Variants in TMEM132D observed in about 807,000 individuals in gnomAD.
TMEM132D encodes the protein mature OL transmembrane protein.
A neutral mutation model predicts 62.3 loss-of-function variants in TMEM132D; 21 were observed. The observed-to-expected ratio is 0.34, with a 90% CI of 0.24 to 0.49. TMEM132D has a LOEUF of 0.49. Ranked by LOEUF, TMEM132D falls within the 20% of genes least tolerant of loss-of-function variation. The pLI is 0.99. For synonymous variants in TMEM132D, 621 were observed against 575.6 expected (o/e 1.08, Z -1.13); for missense variants, 1,346 against 1,402.8 (o/e 0.96, Z 0.65).
In TMEM132D at chr12:129,434,428, G is replaced by A. The variant is rs149253327; in HGVS notation, c.1116-96611C>T. On this transcript the variant is annotated intron_variant, in intron 3 of 8. Coordinates refer to ENST00000422113, the MANE Select transcript of TMEM132D (RefSeq NM_133448.3). ...AGTTTCTTCATTTGTATTTGAGAGT[G>A]CCAATAGTGATACCCTCCTCATACG... Among the ~76,000 whole-genome samples, 1,283 of 152,248 alleles carry A rather than the reference G, an allele frequency of 8.4e-3. 17 individuals carry two copies. Among genetic ancestry groups the A allele is most frequent in the Non-Finnish European group, 0.013 (860 of 68,028 alleles).
intron 3 of TMEM132D, among the ~76,000 whole-genome samples, chr12:129,522,268 C>T (rs897807166): frequency 4.6e-5 from 7 of 152,114 alleles, no homozygotes; most frequent in Middle Eastern, 3.2e-3. Context: ...AAAAATAAGA[C>T]ATCCTGTCCA....
rs535027304 is a variant in TMEM132D at position 129,272,754 on chromosome 12, G to C, written c.1300-63091C>G. Reference sequence around the variant, plus strand: ...AATAGCATCTCACACTAGATAGAAGGCTATTATTAATAAGTAACAAAATAG... The same window carrying C: ...AATAGCATCTCACACTAGATAGAAGCCTATTATTAATAAGTAACAAAATAG... On this transcript the variant is annotated intron_variant, in intron 4 of 8. Coordinates refer to ENST00000422113, the MANE Select transcript of TMEM132D (RefSeq NM_133448.3). Among the ~76,000 whole-genome samples, 16 of 151,760 alleles carry C rather than the reference G, an allele frequency of 1.1e-4. No individual in the cohort carries two copies. In the East Asian group the frequency reaches 1.2e-3, roughly 11 times the overall value.
intron 2 of TMEM132D, among the ~76,000 whole-genome samples, chr12:129,590,150 T>C (rs1016612732): frequency 1.3e-5 from 2 of 152,166 alleles, no homozygotes; most frequent in South Asian, 2.1e-4. Flanking sequence ...CCAAACCCTG[T>C]CCAATTTATC....
intron 5 of TMEM132D, among the ~76,000 whole-genome samples, chr12:129,184,719 T>A (rs770820800): frequency 6.6e-6 from 1 of 152,214 alleles, no homozygotes; most frequent in South Asian, 2.1e-4. Flanking sequence ...CTCTTCCCGG[T>A]TGCATGGAGA....
intron 2 of TMEM132D, among the ~76,000 whole-genome samples, chr12:129,577,432 CTA>C (rs1411667327): frequency 1.4e-4 from 20 of 147,864 alleles, no homozygotes; most frequent in African/African-American, 4.9e-4. Context: ...AAATATATAT[CTA>C]TATTTATATA....
chr12:129,432,607 G>A (rs1045560786), intron 3 of TMEM132D, among the ~76,000 whole-genome samples: 6 of 152,310 alleles, frequency 3.9e-5, no homozygotes, highest in South Asian at 4.1e-4. Context: ...TCTTTGGCGT[G>A]AAATTCAAGT....
rs541096556 is a variant in TMEM132D at position 129,576,530 on chromosome 12, A to G, written c.969-45325T>C. ...AATATATACACATATATGTGTACAT[A>G]TATCTGTTTACATAAATATATACAC... On this transcript the variant is annotated intron_variant, in intron 2 of 8. Transcript: ENST00000422113. Among the ~76,000 whole-genome samples, 57 of 151,946 alleles carry G rather than the reference A, an allele frequency of 3.8e-4. 6 individuals carry two copies. The highest frequency in any genetic ancestry group is 1.3e-3 in the African/African-American group (53 of 41,246).
chr12:129,196,264 G>T (rs1878549436), intron 5 of TMEM132D, among the ~76,000 whole-genome samples: 1 of 152,230 alleles, frequency 6.6e-6, no homozygotes, highest in South Asian at 2.1e-4. Flanking sequence ...TTTTCATGCA[G>T]CAACAGGCAG....
intron 4 of TMEM132D, among the ~76,000 whole-genome samples, chr12:129,282,049 A>G (rs1466110655): frequency 6.6e-6 from 1 of 151,580 alleles, no homozygotes; most frequent in African/African-American, 2.4e-5. Flanking sequence ...TCCTAAGAAT[A>G]CTCCCTCCAT....
At chr12:129,605,232 T>C (rs916573732) in intron 2 of TMEM132D, among the ~76,000 whole-genome samples, 3 of 152,198 alleles carry the variant, frequency 2.0e-5, no homozygotes, top group Admixed American at 6.5e-5. Flanking sequence ...GCTTGGGACA[T>C]GACGGGCATG....
chr12:129,432,374 T>C (rs935327216), intron 3 of TMEM132D, among the ~76,000 whole-genome samples: 3 of 151,738 alleles, frequency 2.0e-5, no homozygotes, highest in Non-Finnish European at 4.4e-5. Flanking sequence ...TGGATGGATT[T>C]TATTTCCATT....
intron 5 of TMEM132D, among the ~76,000 whole-genome samples, chr12:129,179,689 G>T (rs1878011319): frequency 6.6e-6 from 1 of 152,056 alleles, no homozygotes; most frequent in African/African-American, 2.4e-5. Context: ...TGTGAACTTC[G>T]GTTGGATGAT....
At chr12:129,471,209 C>CTTT (rs3046077) in intron 3 of TMEM132D, among the ~76,000 whole-genome samples, 43,013 of 145,644 alleles carry the variant, frequency 0.3, 6,993 homozygotes, top group African/African-American at 0.45. Context: ...GTAGATATTA[C>CTTT]TTTTTTTTTT....
chr12:129,458,857 G>A (rs1403482194), intron 3 of TMEM132D, among the ~76,000 whole-genome samples: 4 of 152,192 alleles, frequency 2.6e-5, no homozygotes, highest in Non-Finnish European at 5.9e-5. Context: ...CTCAGCTCAC[G>A]GGGTGGTATC....
chr12:129,589,551 C>T lies in TMEM132D; in HGVS notation c.969-58346G>A, dbSNP rs553964555. On this transcript the variant is annotated intron_variant, in intron 2 of 8. Transcript: ENST00000422113. ...CAGCTGTCCTTCTTGCTATCTCCTG[C>T]TCCTACCCCGTGTAGACCCCCACAC... Among the ~76,000 whole-genome samples the T allele has an allele frequency of 1.5e-4, 23 of 152,264 alleles. No homozygotes were observed. In the South Asian group the frequency reaches 4.6e-3, roughly 30 times the overall value.
intron 4 of TMEM132D, among the ~76,000 whole-genome samples, chr12:129,222,705 A>G (rs1487430609): frequency 6.6e-6 from 1 of 152,192 alleles, no homozygotes; most frequent in Non-Finnish European, 1.5e-5. Flanking sequence ...AAGAAGCTGA[A>G]CTCACAGAAA....
At chr12:129,651,656 A>C (rs1324556786) in intron 2 of TMEM132D, among the ~76,000 whole-genome samples, 2 of 152,238 alleles carry the variant, frequency 1.3e-5, no homozygotes. Flanking sequence ...AATTAAGCTG[A>C]TAATGGTAAA....
intron 5 of TMEM132D, among the ~76,000 whole-genome samples, chr12:129,104,784 A>T (rs1389466560): frequency 1.3e-5 from 2 of 149,406 alleles, no homozygotes; most frequent in African/African-American, 2.5e-5. Context: ...CAAAAAACAC[A>T]TGAAAAAATG....
chr12:129,543,290 G>C (rs1311236268), intron 2 of TMEM132D, among the ~76,000 whole-genome samples: 5 of 114,844 alleles, frequency 4.4e-5, no homozygotes, highest in African/African-American at 1.4e-4. Context: ...GAGTAAGTGG[G>C]TGGGTGGGTG....
Sources: allele counts gnomAD v4.1 joint callset (sites outside exome capture counted in the v4.1 genomes callset), GRCh38; gene constraint gnomAD v4.1.1; transcripts MANE v1.5; gene names NCBI Gene and HGNC (gene_info 2026-07-23, HGNC 2026-07-21).